Variants in GALNT17 observed in about 807,000 individuals in gnomAD.
GALNT17 encodes polypeptide N-acetylgalactosaminyltransferase 17.
Under a neutral mutation model 63.7 loss-of-function variants are expected in GALNT17, and 29 were observed. The observed-to-expected ratio is 0.46, with a 90% CI of 0.34 to 0.62. The LOEUF (loss-of-function observed/expected upper bound fraction) is 0.62. Among genes scored for constraint, GALNT17 ranks in the 20% least tolerant of loss-of-function variants. The probability of loss-of-function intolerance (pLI) is 0.01; values close to 1 mark genes in which losing one functional copy is unlikely to be tolerated. For synonymous variants in GALNT17, 305 were observed against 318.3 expected, an observed-to-expected ratio of 0.96 and a Z score of 0.45; for missense variants, 603 against 799.6, an observed-to-expected ratio of 0.75 and a Z score of 2.97.
intron 5 of GALNT17, among the ~76,000 whole-genome samples, chr7:71,449,944 G>A (rs920468503): frequency 6.6e-6 from 1 of 151,422 alleles, no homozygotes; most frequent in Admixed American, 6.6e-5. Flanking sequence ...GGGAGGCTGA[G>A]GCAGGAGAAA....
At chr7:71,382,154 C>T (rs995858742) in intron 2 of GALNT17, among the ~76,000 whole-genome samples, 1 of 151,984 alleles carries the variant, frequency 6.6e-6, no homozygotes, top group Non-Finnish European at 1.5e-5. Context: ...CCGAGGTGGG[C>T]AGATCGCCTG....
intron 5 of GALNT17, among the ~76,000 whole-genome samples, chr7:71,569,035 G>A (rs940608712): frequency 1.3e-5 from 2 of 152,088 alleles, no homozygotes; most frequent in South Asian, 4.1e-4. Flanking sequence ...GCAGTGGTGC[G>A]ATCTCAGCTC....
chr7:71,427,282 G>GAATTTAAGGTTTTAGT (rs1313582678), intron 5 of GALNT17, among the ~76,000 whole-genome samples: 1 of 151,324 alleles, frequency 6.6e-6, no homozygotes, highest in Non-Finnish European at 1.5e-5. Context: ...ATTTTTAGTA[G>GAATTTAAGGTTTTAGT]AGACGAGGTT....
intron 1 of GALNT17, among the ~76,000 whole-genome samples, chr7:71,189,491 G>A (rs1277300644): frequency 6.6e-6 from 1 of 152,184 alleles, no homozygotes; most frequent in Non-Finnish European, 1.5e-5. Flanking sequence ...GATAAGACCT[G>A]GTGACTAGCT....
intron 5 of GALNT17, among the ~76,000 whole-genome samples, chr7:71,434,888 A>C (rs1479604190): frequency 6.6e-6 from 1 of 152,222 alleles, no homozygotes; most frequent in Non-Finnish European, 1.5e-5. Flanking sequence ...TAGATGGTAA[A>C]AAACAAACAA....
At chr7:71,454,165 T>C (rs1787314793) in intron 5 of GALNT17, among the ~76,000 whole-genome samples, 1 of 152,176 alleles carries the variant, frequency 6.6e-6, no homozygotes, top group African/African-American at 2.4e-5. Flanking sequence ...ACATGTGCCA[T>C]GGTGGTTTGC....
intron 1 of GALNT17, among the ~76,000 whole-genome samples, chr7:71,205,534 C>A (rs776720705): frequency 6.6e-6 from 1 of 152,114 alleles, no homozygotes; most frequent in African/African-American, 2.4e-5. Context: ...GCCATCCTTC[C>A]ATCACAGCCA....
chr7:71,359,639 G>A (rs7811052), intron 2 of GALNT17, among the ~76,000 whole-genome samples: 28,121 of 151,198 alleles, frequency 0.19, 2,614 homozygotes, highest in East Asian at 0.29. Context: ...GCTGGAGTGC[G>A]GTGGCACCGT....
intron 6 of GALNT17, among the ~76,000 whole-genome samples, chr7:71,599,200 A>G (rs1789930451): frequency 6.6e-6 from 1 of 152,168 alleles, no homozygotes; most frequent in African/African-American, 2.4e-5. Context: ...GGAGAACCAC[A>G]TGATCCCACA....
At chr7:71,495,384 A>G (rs1788078044) in intron 5 of GALNT17, among the ~76,000 whole-genome samples, 1 of 152,158 alleles carries the variant, frequency 6.6e-6, no homozygotes, top group Non-Finnish European at 1.5e-5. Flanking sequence ...AGCAATGACA[A>G]CCATAGCAGT....
chr7:71,294,376 CA>C (rs1791038852), intron 1 of GALNT17, among the ~76,000 whole-genome samples: 1 of 147,224 alleles, frequency 6.8e-6, no homozygotes, highest in South Asian at 2.2e-4. Context: ...TCACAATATG[CA>C]TATTGTTTTG....
In GALNT17 at chr7:71,712,167, G is replaced by A. The variant is rs867645732; in HGVS notation, c.*21G>A. Reference sequence around the variant, plus strand: ...AGTAGAGGGAGGGAGCTGGGGCACTGGAGCCTGGCCCCCAGGACATGGCTG... The same window carrying A: ...AGTAGAGGGAGGGAGCTGGGGCACTAGAGCCTGGCCCCCAGGACATGGCTG... On this transcript the variant is annotated 3_prime_UTR_variant, in exon 11 of 11. Transcript: ENST00000333538. The A allele has an allele frequency of 1.2e-6, 2 of 1,607,150 alleles. No homozygotes were observed. Among genetic ancestry groups the A allele is most frequent in the African/African-American group, 1.3e-5 (1 of 74,794 alleles).
At chr7:71,703,550 G>A (rs564849164) in intron 9 of GALNT17, among the ~76,000 whole-genome samples, 3 of 152,148 alleles carry the variant, frequency 2.0e-5, no homozygotes, top group African/African-American at 7.2e-5. Flanking sequence ...CTCCAACACC[G>A]TCAATCACAT....
intron 2 of GALNT17, among the ~76,000 whole-genome samples, chr7:71,371,637 T>G (rs1027450323): frequency 3.3e-5 from 5 of 152,246 alleles, no homozygotes; most frequent in African/African-American, 1.2e-4. Flanking sequence ...AAACTATTAC[T>G]TTTAAACTTG....
chr7:71,658,294 A>G (rs1420282953), intron 6 of GALNT17, among the ~76,000 whole-genome samples: 2 of 152,074 alleles, frequency 1.3e-5, no homozygotes, highest in Non-Finnish European at 2.9e-5. Flanking sequence ...GCCACTGAAG[A>G]CTCTCCAAAA....
chr7:71,555,481 A>C (rs2116841337), intron 5 of GALNT17, among the ~76,000 whole-genome samples: 1 of 143,784 alleles, frequency 7.0e-6, no homozygotes, highest in East Asian at 2.1e-4. Context: ...AGAACGCCAA[A>C]CCATTCATGA....
rs529174963 is a variant in GALNT17 at position 71,144,963 on chromosome 7, C to T, written c.238+11923C>T. Among the ~76,000 whole-genome samples the T allele has an allele frequency of 5.3e-5, 8 of 152,148 alleles. No homozygotes were observed. The East Asian group carries it at 5.8e-4, about 11-fold the overall frequency. ...CAGGATGGTCTTGATCTCCTGACTT[C>T]GTGATTTGCCCACCTTGGCCTCCCA... On this transcript the variant is annotated intron_variant, in intron 1 of 10. Transcript: ENST00000333538.
At position 71,264,721 on chromosome 7, in the gene GALNT17, C is replaced by T. The variant is rs1425109720; in HGVS notation, c.239-70829C>T. On this transcript the variant is annotated intron_variant, in intron 1 of 10. Transcript: ENST00000333538. ...GGTCACTATGTTAAGTGAAATAAGT[C>T]GGGCACAGAAAAGAACATATTGAAT... is the stretch of plus-strand genomic sequence containing the variant. 7.2e-5 allele frequency among the ~76,000 whole-genome samples: 11 copies of T among 151,848 alleles called. No homozygotes were observed. The East Asian group carries it at 1.7e-3, about 24-fold the overall frequency.
At chr7:71,487,645 G>A (rs1324644611) in intron 5 of GALNT17, among the ~76,000 whole-genome samples, 2 of 152,100 alleles carry the variant, frequency 1.3e-5, no homozygotes, top group Non-Finnish European at 2.9e-5. Flanking sequence ...GGGTGTGGTA[G>A]TGCATACCTG....
Sources: allele counts gnomAD v4.1 joint callset (sites outside exome capture counted in the v4.1 genomes callset), GRCh38; gene constraint gnomAD v4.1.1; transcripts MANE v1.5; gene names NCBI Gene and HGNC (gene_info 2026-07-23, HGNC 2026-07-21).